The following ST7 variants were observed in gnomAD, a reference collection of about 807,000 sequenced individuals.
ST7 encodes the protein suppression of tumorigenicity 7, also known as suppressor of tumorigenicity 7 protein.
Under a neutral mutation model 78.7 loss-of-function variants are expected in ST7, and 28 were observed. The ratio of observed to expected loss-of-function variants is 0.36; its 90% confidence interval spans 0.26 to 0.49. The LOEUF (loss-of-function observed/expected upper bound fraction) is 0.49. Among genes scored for constraint, ST7 ranks in the 20% least tolerant of loss-of-function variants. ST7 has a pLI of 0.99. For missense variants in ST7, 418 were observed against 696.0 expected, an observed-to-expected ratio of 0.60 and a Z score of 4.49; for synonymous variants, 247 against 249.6, an observed-to-expected ratio of 0.99 and a Z score of 0.10.
At chr7:117,030,391 TTAAA>T (rs1245324964) in intron 1 of ST7, among the ~76,000 whole-genome samples, 2 of 152,196 alleles carry the variant, frequency 1.3e-5, no homozygotes, top group East Asian at 1.9e-4. Flanking sequence ...TGTAAAAATC[TTAAA>T]TAACCTGGAA....
At chr7:117,061,566 A>T (rs1798354448) in intron 1 of ST7, among the ~76,000 whole-genome samples, 1 of 152,220 alleles carries the variant, frequency 6.6e-6, no homozygotes, top group Middle Eastern at 3.2e-3. Flanking sequence ...AGAAAAACTT[A>T]GATGTAAATG....
At chr7:117,038,010 A>T (rs1169886783) in intron 1 of ST7, among the ~76,000 whole-genome samples, 1 of 152,224 alleles carries the variant, frequency 6.6e-6, no homozygotes, top group African/African-American at 2.4e-5. Flanking sequence ...AAAAAATCTG[A>T]TGGTAGATGT....
At chr7:117,189,175 T>A in intron 10 of ST7, 146 bp from the exon 11 acceptor site, 1 of 508,838 alleles carries the variant, frequency 2.0e-6, no homozygotes, top group South Asian at 3.4e-5. Flanking sequence ...AAGGAATAGC[T>A]GAAATTCTTG....
intron 1 of ST7, among the ~76,000 whole-genome samples, chr7:117,046,182 A>G (rs1345809448): frequency 1.3e-5 from 2 of 152,032 alleles, no homozygotes. Flanking sequence ...TGACTGTGTC[A>G]TGCTGCTTTT....
At chr7:117,071,016 G>A (rs998983380) in intron 1 of ST7, among the ~76,000 whole-genome samples, 2 of 151,922 alleles carry the variant, frequency 1.3e-5, no homozygotes, top group African/African-American at 2.4e-5. Context: ...TCAGGAGATC[G>A]AGACCATCTT....
chr7:117,135,880 C>T (rs1430187328), intron 7 of ST7, among the ~76,000 whole-genome samples: 1 of 152,118 alleles, frequency 6.6e-6, no homozygotes, highest in Non-Finnish European at 1.5e-5. Flanking sequence ...CTTAACACTA[C>T]GCATCCTACC....
rs1007411424 is a variant in ST7, at chr7:117,190,385, C to T, written c.1152-449C>T. On this transcript the variant is annotated intron_variant, in intron 11 of 15. Transcript: ENST00000323984. This position sits in a 1 kb window ranked among gnomAD's most constrained non-coding sequence, Gnocchi z 5.2. Reference sequence around the variant, plus strand: ...TGGCCCCAAGCAGGCTCGCCTGCTGCTGAAGCTGCAACGATTTAACCTCCA... The same window carrying T: ...TGGCCCCAAGCAGGCTCGCCTGCTGTTGAAGCTGCAACGATTTAACCTCCA... 5.9e-6 allele frequency: 1 copy of T among 168,340 alleles called. No individual in the cohort carries two copies. Among genetic ancestry groups the T allele is most frequent in the African/African-American group, 2.4e-5 (1 of 41,602 alleles). The allele number at this position is 168,340 out of a possible 1,614,324, so 10.4% of individuals were successfully genotyped here. A position where few individuals can be genotyped will look rare whatever the true frequency, so the allele number is the denominator to read the frequency against.
chr7:117,138,328 A>G (rs914880480), intron 8 of ST7, 107 bp from the exon 9 acceptor site: 1 of 590,452 alleles, frequency 1.7e-6, no homozygotes, highest in Non-Finnish European at 2.9e-6. Context: ...TCATTCTACT[A>G]TTAACAAAGT....
At chr7:117,078,630 A>T (rs185489648) in intron 1 of ST7, among the ~76,000 whole-genome samples, 1 of 152,348 alleles carries the variant, frequency 6.6e-6, no homozygotes. Context: ...TGGTAGCAAG[A>T]TAGATGCTTT....
intron 1 of ST7, among the ~76,000 whole-genome samples, chr7:117,075,005 T>C (rs939535190): frequency 1.2e-4 from 18 of 152,226 alleles, no homozygotes; most frequent in African/African-American, 3.9e-4. Flanking sequence ...TTGGGTGCTG[T>C]TCATTCTTTC....
chr7:117,016,949 C>T (rs974322097), intron 1 of ST7, among the ~76,000 whole-genome samples: 10 of 152,124 alleles, frequency 6.6e-5, no homozygotes, highest in African/African-American at 2.2e-4. Flanking sequence ...CATTATAGCA[C>T]TGAAGGGGAT....
intron 5 of ST7, among the ~76,000 whole-genome samples, chr7:117,131,651 T>A (rs1394880436): frequency 6.6e-6 from 1 of 151,904 alleles, no homozygotes; most frequent in Non-Finnish European, 1.5e-5. Flanking sequence ...TTTTCTTGAT[T>A]TCCTTAGCCT....
intron 1 of ST7, chr7:116,955,173 T>G (rs570448076): frequency 5.6e-5 from 26 of 461,018 alleles, no homozygotes; most frequent in African/African-American, 5.3e-4. Context: ...CAGGATACCT[T>G]CTGGTCTCAA....
At chr7:117,034,182 T>C (rs150753960) in intron 1 of ST7, among the ~76,000 whole-genome samples, 1,566 of 152,242 alleles carry the variant, frequency 0.01, 37 homozygotes, top group African/African-American at 0.036. Flanking sequence ...CAAGCAATCC[T>C]CCTGCCTCGG....
At chr7:117,020,126 T>C (rs1357550368) in intron 1 of ST7, 1 of 154,482 alleles carries the variant, frequency 6.5e-6, no homozygotes, top group Non-Finnish European at 1.4e-5. Context: ...CACGCTGCTC[T>C]CCTGGAGCCC....
chr7:117,025,838 T>C (rs1584474483), intron 1 of ST7, among the ~76,000 whole-genome samples: 1 of 152,346 alleles, frequency 6.6e-6, no homozygotes, highest in Admixed American at 6.5e-5. Flanking sequence ...ATTTTTAGTA[T>C]CAAGATAATA....
Position 117,170,913 on chromosome 7 carries a change from T to A in ST7, c.1015T>A (p.Leu339Ile). The stretch of plus-strand genomic sequence containing the variant: ...TATGTTCAATATCCATGAAAACCTT[T>A]TAGAAGCCCTTCTGGAACTACAAGC... ...LSMFNIHENLLEALLELQAYA... is the reference protein window; with the variant it reads ...LSMFNIHENLIEALLELQAYA... The change falls in exon 10 of 16, where the codon TTA becomes ATA. Residue 339 changes from leucine to isoleucine, a missense_variant. By Grantham distance (5) the Leu-to-Ile change is conservative. Transcript: ENST00000323984. 6.2e-7 allele frequency: 1 copy of A among 1,612,502 alleles called. No individual in the cohort carries two copies. Among genetic ancestry groups the A allele is most frequent in the Non-Finnish European group, 8.5e-7 (1 of 1,179,086 alleles).
intron 1 of ST7, chr7:116,968,553 A>G (rs1793259669): frequency 5.8e-6 from 2 of 347,166 alleles, no homozygotes; most frequent in Non-Finnish European, 1.2e-5. Context: ...CAATCAAATA[A>G]TAAATTCATT....
intron 1 of ST7, among the ~76,000 whole-genome samples, chr7:117,056,802 A>G (rs996344294): frequency 1.3e-5 from 2 of 152,312 alleles, no homozygotes; most frequent in Admixed American, 6.5e-5. Flanking sequence ...AATTGTTCAT[A>G]AAACACAGGA....
Sources: allele counts gnomAD v4.1 joint callset (sites outside exome capture counted in the v4.1 genomes callset), GRCh38; gene constraint gnomAD v4.1.1; non-coding constraint Gnocchi (gnomAD v3.1); transcripts MANE v1.5; gene names NCBI Gene and HGNC (gene_info 2026-07-23, HGNC 2026-07-21).